SGCD: variants seen among roughly 807,000 people sequenced by gnomAD.
SGCD encodes the protein sarcoglycan delta.
Under a neutral mutation model 36.6 loss-of-function variants are expected in SGCD, and 18 were observed. The ratio of observed to expected loss-of-function variants is 0.49; its 90% CI spans 0.34 to 0.73. The LOEUF (loss-of-function observed/expected upper bound fraction) is 0.73, where lower values mean the gene tolerates loss of function less well. Ranked by LOEUF, SGCD falls within the 30% of genes least tolerant of loss-of-function variation. The pLI, the probability that SGCD is intolerant of heterozygous loss-of-function variation, is 0.01. For missense variants in SGCD, 387 were observed against 346.7 expected, an observed-to-expected ratio of 1.12 and a Z score of -0.92; for synonymous variants, 133 against 130.6, an observed-to-expected ratio of 1.02 and a Z score of -0.12.
chr5:156,599,152 T>C (rs747092187), intron 6 of SGCD, among the ~76,000 whole-genome samples: 3 of 152,198 alleles, frequency 2.0e-5, no homozygotes, highest in Non-Finnish European at 4.4e-5. Context: ...TTCAGCCATA[T>C]GGTGTGGAAT....
chr5:155,946,792 A>G (rs1757445532), intron 1 of SGCD, among the ~76,000 whole-genome samples: 1 of 152,212 alleles, frequency 6.6e-6, no homozygotes, highest in African/African-American at 2.4e-5. Flanking sequence ...AGAACTGTAT[A>G]TGATTTTCCT....
chr5:156,120,306 C>T (rs1027024311), intron 2 of SGCD, among the ~76,000 whole-genome samples: 19 of 151,946 alleles, frequency 1.3e-4, no homozygotes, highest in African/African-American at 4.4e-4. Flanking sequence ...CCCAAGAAAA[C>T]CAAGAATTAT....
intron 1 of SGCD, among the ~76,000 whole-genome samples, chr5:155,916,321 G>A (rs1283510617): frequency 6.6e-6 from 1 of 152,012 alleles, no homozygotes; most frequent in South Asian, 2.1e-4. Context: ...AATAACTCTT[G>A]GGTTTATTCT....
At chr5:155,772,878 G>A in the SGCD span, among the ~76,000 whole-genome samples, 1 of 152,054 alleles carries the variant, frequency 6.6e-6, no homozygotes, top group East Asian at 1.9e-4. Context: ...GACACTTCCG[G>A]TAGGGCAAGT....
At chr5:156,140,513 G>T (rs1035346846) in intron 3 of SGCD, among the ~76,000 whole-genome samples, 1 of 152,154 alleles carries the variant, frequency 6.6e-6, no homozygotes, top group African/African-American at 2.4e-5. Flanking sequence ...GCAAAGAACT[G>T]GCCGAGATGT....
intron 1 of SGCD, among the ~76,000 whole-genome samples, chr5:155,891,746 G>A (rs1178564815): frequency 2.0e-5 from 3 of 151,832 alleles, no homozygotes; most frequent in Non-Finnish European, 4.4e-5. Context: ...CCATAATGGA[G>A]AAGCCCTAGG....
the SGCD span, among the ~76,000 whole-genome samples, chr5:155,764,678 G>T: frequency 6.6e-6 from 1 of 152,172 alleles, no homozygotes; most frequent in Non-Finnish European, 1.5e-5. Context: ...CTCCGCATCT[G>T]TAGGGTGGGG....
chr5:156,282,767 T>C (rs552586013), intron 3 of SGCD, among the ~76,000 whole-genome samples: 1 of 152,318 alleles, frequency 6.6e-6, no homozygotes, highest in South Asian at 2.1e-4. Context: ...GCAAAAGTAA[T>C]TGCAGCCTTG....
At chr5:156,608,675 T>TTCTAATTCTCTTTGTAGGTC (rs1456600444) in intron 6 of SGCD, among the ~76,000 whole-genome samples, 1 of 152,130 alleles carries the variant, frequency 6.6e-6, no homozygotes, top group East Asian at 1.9e-4. Context: ...TTGTGTGGGA[T>TTCTAATTCTCTTTGTAGGTC]TCTAATTCTC....
At chr5:156,676,758 G>A (rs1753530574) in intron 7 of SGCD, among the ~76,000 whole-genome samples, 1 of 152,208 alleles carries the variant, frequency 6.6e-6, no homozygotes, top group Non-Finnish European at 1.5e-5. Flanking sequence ...GTACATTTCA[G>A]CTGAATGGGT....
chr5:156,685,273 C>A (rs1753863792), intron 7 of SGCD, among the ~76,000 whole-genome samples: 1 of 151,920 alleles, frequency 6.6e-6, no homozygotes, highest in Non-Finnish European at 1.5e-5. Flanking sequence ...AGAAGTCAGG[C>A]TTAGGCTTGT....
intron 6 of SGCD, among the ~76,000 whole-genome samples, chr5:156,628,738 G>C (rs1423028): frequency 0.014 from 2,161 of 152,238 alleles, 54 homozygotes; most frequent in African/African-American, 0.05. Flanking sequence ...TCAATAAAGG[G>C]GCTGCATGCA....
At chr5:156,497,969 T>C (rs1028773120) in intron 3 of SGCD, among the ~76,000 whole-genome samples, 1 of 152,098 alleles carries the variant, frequency 6.6e-6, no homozygotes, top group Non-Finnish European at 1.5e-5. Context: ...ATTGCCTTGA[T>C]CACAAAACAT....
At chr5:156,425,656 A>G (rs1162737459) in intron 3 of SGCD, among the ~76,000 whole-genome samples, 1 of 151,858 alleles carries the variant, frequency 6.6e-6, no homozygotes, top group Non-Finnish European at 1.5e-5. Context: ...TGGTGCACCC[A>G]TCACCCGAGC....
chr5:155,805,508 C>A, the SGCD span, among the ~76,000 whole-genome samples: 2 of 152,264 alleles, frequency 1.3e-5, no homozygotes, highest in East Asian at 1.9e-4. Context: ...GGAATATTTC[C>A]TTTGGGGGTC....
chr5:156,709,862 C>T (rs1311866059), intron 7 of SGCD, among the ~76,000 whole-genome samples: 1 of 151,752 alleles, frequency 6.6e-6, no homozygotes, highest in Non-Finnish European at 1.5e-5. Flanking sequence ...CCTCCCGCCC[C>T]CTACTCTGGG....
At chr5:156,508,724 G>A in intron 4 of SGCD, 22 bp downstream of exon 4, 1 of 1,370,982 alleles carries the variant, frequency 7.3e-7, no homozygotes, top group Non-Finnish European at 1.0e-6. Flanking sequence ...CTGAGAGAAG[G>A]AGGCATTATT....
chr5:156,463,518 C>T (rs1265818517), intron 3 of SGCD, among the ~76,000 whole-genome samples: 2 of 152,002 alleles, frequency 1.3e-5, no homozygotes, highest in Non-Finnish European at 1.5e-5. Context: ...AAATTAATCT[C>T]AAGAGGGAAT....
chr5:156,047,916 G>A (rs574244265), intron 1 of SGCD, among the ~76,000 whole-genome samples: 3 of 152,044 alleles, frequency 2.0e-5, no homozygotes, highest in East Asian at 3.9e-4. Flanking sequence ...TTGGTGTGCT[G>A]CACCATTAAC....
Sources: gnomAD v4.1 joint callset for allele counts (sites outside exome capture counted in the v4.1 genomes callset) on GRCh38, gnomAD v4.1.1 for gene constraint, MANE v1.5 for transcripts, NCBI Gene and HGNC (gene_info 2026-07-23, HGNC 2026-07-21) for gene names.